Variants in PHF21B observed in about 807,000 individuals in gnomAD.
PHF21B encodes the protein PHD finger protein 4.
PHF21B carries 22 observed loss-of-function variants against 62.2 expected under a neutral mutation model. The ratio of observed to expected loss-of-function variants is 0.35; its 90% confidence interval spans 0.25 to 0.51. The LOEUF (loss-of-function observed/expected upper bound fraction) is 0.51. PHF21B is among the 20% of genes least tolerant of loss of function. The probability of loss-of-function intolerance (pLI) is 0.97; values close to 1 mark genes in which losing one functional copy is unlikely to be tolerated. For missense variants in PHF21B, 701 were observed against 707.9 expected (o/e 0.99, Z 0.11); for synonymous variants, 341 against 314.7 (o/e 1.08, Z -0.88).
At chr22:44,983,232 TCAAAAAAAAA>T (rs776673521) in intron 2 of PHF21B, among the ~76,000 whole-genome samples, 2 of 6,326 alleles carry the variant, frequency 3.2e-4, no homozygotes, top group African/African-American at 6.7e-4. Flanking sequence ...AGACTCTGTC[TCAAAAAAAAA>T]AAAAAAAAAA....
chr22:44,969,439 G>C (rs556653641), intron 2 of PHF21B, among the ~76,000 whole-genome samples: 3 of 152,316 alleles, frequency 2.0e-5, no homozygotes. Flanking sequence ...GCCAAGGCGG[G>C]CGGATCACTT....
At chr22:44,965,339 T>A (rs550978732) in intron 2 of PHF21B, among the ~76,000 whole-genome samples, 1 of 152,054 alleles carries the variant, frequency 6.6e-6, no homozygotes, top group Non-Finnish European at 1.5e-5. Flanking sequence ...GTGGGTCCTT[T>A]GGGTCTGTGC....
At chr22:45,004,253 G>A (rs941978761) in intron 2 of PHF21B, among the ~76,000 whole-genome samples, 1 of 152,186 alleles carries the variant, frequency 6.6e-6, no homozygotes, top group Non-Finnish European at 1.5e-5. Flanking sequence ...TCTCAATAAA[G>A]CTGTTTTGTT....
intron 2 of PHF21B, among the ~76,000 whole-genome samples, chr22:44,986,161 CCAT>C: frequency 6.9e-6 from 1 of 145,434 alleles, no homozygotes; most frequent in Admixed American, 6.7e-5. Context: ...ATGAGCACCA[CCAT>C]CACCATGAGC....
At chr22:44,937,645 C>T (rs534815577) in intron 2 of PHF21B, among the ~76,000 whole-genome samples, 3 of 152,378 alleles carry the variant, frequency 2.0e-5, no homozygotes, top group Admixed American at 6.5e-5. Flanking sequence ...TTCGGAGCAG[C>T]TTTATTCATA....
chr22:44,895,269 G>A (rs1467980318), intron 6 of PHF21B, among the ~76,000 whole-genome samples: 1 of 152,070 alleles, frequency 6.6e-6, no homozygotes, highest in Non-Finnish European at 1.5e-5. Flanking sequence ...CAAGGGGGCT[G>A]GTTTCGAGGC....
At chr22:44,933,202 C>T (rs941273375) in intron 2 of PHF21B, among the ~76,000 whole-genome samples, 10 of 151,566 alleles carry the variant, frequency 6.6e-5, no homozygotes, top group Non-Finnish European at 1.3e-4. Context: ...ACTTCTGCCT[C>T]CTGGGTTCAA....
chr22:44,937,499 C>A (rs757937435), intron 2 of PHF21B, among the ~76,000 whole-genome samples: 1 of 152,196 alleles, frequency 6.6e-6, no homozygotes, highest in African/African-American at 2.4e-5. Flanking sequence ...GCAGTGCGAA[C>A]ACTTCAAAAA....
intron 2 of PHF21B, among the ~76,000 whole-genome samples, chr22:44,982,372 G>A (rs1021942182): frequency 6.6e-6 from 1 of 152,188 alleles, no homozygotes; most frequent in African/African-American, 2.4e-5. Flanking sequence ...GCACACCCTT[G>A]CCATCACCTA....
At chr22:44,931,535 TGCAGA>T (rs998157180) in intron 2 of PHF21B, among the ~76,000 whole-genome samples, 1 of 151,470 alleles carries the variant, frequency 6.6e-6, no homozygotes, top group African/African-American at 2.4e-5. Flanking sequence ...CCCTCGGCGT[TGCAGA>T]GCAGTTTGTT....
chr22:44,950,989 G>A (rs2072181951), intron 2 of PHF21B, among the ~76,000 whole-genome samples: 1 of 152,116 alleles, frequency 6.6e-6, no homozygotes, highest in Non-Finnish European at 1.5e-5. Context: ...GCCACACGCA[G>A]CCTAAAATAA....
Position 44,913,828 on chromosome 22 carries a change from G to T in PHF21B, c.825C>A (p.Asn275Lys). Residue 275 changes from asparagine (N) to lysine (K), a missense_variant, in exon 5 of 13, where the codon AAC becomes AAA. Coordinates refer to ENST00000313237, the MANE Select transcript of PHF21B (RefSeq NM_138415.5). ...CCGGAGAGGCCTGTCCTACCTCGGG[G>T]TTCTCCTGGGTCGGGGGCCGGTCTT... ...KKEDRPPTQE[N>K]PEKIAFMVAL... The T allele has an allele frequency of 6.2e-7, 1 of 1,613,096 alleles. No homozygotes were observed. Among genetic ancestry groups the T allele is most frequent in the South Asian group, 1.1e-5 (1 of 90,952 alleles).
At chr22:44,935,063 G>A (rs2071817995) in intron 2 of PHF21B, among the ~76,000 whole-genome samples, 2 of 152,148 alleles carry the variant, frequency 1.3e-5, no homozygotes, top group Admixed American at 6.6e-5. Context: ...CGCTCATGCA[G>A]TATATTCACT....
chr22:44,915,051 T>G (rs1277653043), intron 4 of PHF21B, among the ~76,000 whole-genome samples: 2 of 152,224 alleles, frequency 1.3e-5, no homozygotes, highest in Non-Finnish European at 2.9e-5. Context: ...GGGTGGTGAC[T>G]GTCTGATGAA....
At chr22:44,884,061 A>ATTATCACCACCG (rs1296668014) in intron 12 of PHF21B, among the ~76,000 whole-genome samples, 2 of 151,692 alleles carry the variant, frequency 1.3e-5, no homozygotes, top group African/African-American at 2.4e-5. Flanking sequence ...CACCATCACC[A>ATTATCACCACCG]CCACCATGAT....
In PHF21B at chr22:44,881,174, G is replaced by A. The variant is rs1218097758; in HGVS notation, c.*1912C>T. On this transcript the variant is annotated 3_prime_UTR_variant, in exon 13 of 13. Coordinates refer to ENST00000313237, the MANE Select transcript of PHF21B (RefSeq NM_138415.5). Reference sequence around the variant, plus strand: ...AAAACCACAGGGCTTTGAAATCATCGATCGAGTTTAATACATTGTAAAGAA... The same window carrying A: ...AAAACCACAGGGCTTTGAAATCATCAATCGAGTTTAATACATTGTAAAGAA... 1.3e-5 allele frequency: 2 copies of A among 152,632 alleles called. No individual in the cohort carries two copies. The highest frequency in any genetic ancestry group is 2.4e-5 in the African/African-American group (1 of 41,438). The allele number at this position is 152,632 out of a possible 1,614,324, so 9.5% of individuals were successfully genotyped here.
chr22:44,933,233 T>C (rs887300667), intron 2 of PHF21B, among the ~76,000 whole-genome samples: 1 of 151,748 alleles, frequency 6.6e-6, no homozygotes, highest in African/African-American at 2.4e-5. Context: ...TGCCTCAGCC[T>C]CCCAAGTAGC....
At chr22:44,886,543 T>C (rs2147246136) in intron 10 of PHF21B, among the ~76,000 whole-genome samples, 1 of 151,874 alleles carries the variant, frequency 6.6e-6, no homozygotes, top group South Asian at 2.1e-4. Context: ...AAAAATTAGC[T>C]GGCCATGGTG....
chr22:44,958,933 A>ACC (rs1237029351), intron 2 of PHF21B, among the ~76,000 whole-genome samples: 2 of 151,702 alleles, frequency 1.3e-5, no homozygotes, highest in African/African-American at 4.8e-5. Context: ...GAGCCACCGC[A>ACC]CCCGGCCCCT....
Sources: gnomAD v4.1 joint callset for allele counts (sites outside exome capture counted in the v4.1 genomes callset) on GRCh38, gnomAD v4.1.1 for gene constraint, MANE v1.5 for transcripts, NCBI Gene and HGNC (gene_info 2026-07-23, HGNC 2026-07-21) for gene names.